Variants in PRKCZ observed in about 807,000 individuals in gnomAD.
PRKCZ encodes protein kinase C zeta type.
In PRKCZ, 33 loss-of-function variants were observed where a neutral mutation model predicts 79.5. The ratio of observed to expected loss-of-function variants is 0.41; its 90% CI spans 0.31 to 0.55. The LOEUF (loss-of-function observed/expected upper bound fraction) is 0.55, where lower values mean the gene tolerates loss of function less well. Ranked by LOEUF, PRKCZ falls within the 20% of genes least tolerant of loss-of-function variation. The pLI is 0.19. For missense variants in PRKCZ, 578 were observed against 813.5 expected (o/e 0.71, Z 3.52); for synonymous variants, 342 against 320.9 (o/e 1.07, Z -0.70).
intron 4 of PRKCZ, chr1:2,073,693 C>T (rs1388768486): frequency 4.0e-6 from 4 of 992,148 alleles, no homozygotes; most frequent in Admixed American, 5.6e-5. Context: ...CCGGGGGAGC[C>T]GGGTACCACC....
At chr1:2,112,698 T>A (rs1347936792) in intron 4 of PRKCZ, among the ~76,000 whole-genome samples, 7 of 151,706 alleles carry the variant, frequency 4.6e-5, no homozygotes, top group South Asian at 4.1e-4. Flanking sequence ...TTGGTTTTTT[T>A]TTTTTTTGGA....
At chr1:2,166,973 G>A (rs576983781) in intron 10 of PRKCZ, among the ~76,000 whole-genome samples, 1 of 152,246 alleles carries the variant, frequency 6.6e-6, no homozygotes, top group Admixed American at 6.5e-5. Context: ...GCTCAGCCAT[G>A]GTCCCAGGCA....
chr1:2,110,846 G>C (rs1489821496), intron 4 of PRKCZ, among the ~76,000 whole-genome samples: 1 of 152,118 alleles, frequency 6.6e-6, no homozygotes, highest in African/African-American at 2.4e-5. Context: ...CCCTGTAGGG[G>C]CTGGTGACAG....
chr1:2,159,464 C>T (rs981339139), intron 10 of PRKCZ, among the ~76,000 whole-genome samples: 1 of 152,250 alleles, frequency 6.6e-6, no homozygotes, highest in Non-Finnish European at 1.5e-5. Flanking sequence ...GACACTCCTT[C>T]GCTCTGGGCG....
At chr1:2,099,167 TC>T (rs1667038581) in intron 4 of PRKCZ, among the ~76,000 whole-genome samples, 2 of 152,170 alleles carry the variant, frequency 1.3e-5, no homozygotes. Context: ...GACCCGGCAC[TC>T]CTTCATCACC....
chr1:2,074,504 T>G (rs1288623173), intron 4 of PRKCZ, among the ~76,000 whole-genome samples: 2 of 152,114 alleles, frequency 1.3e-5, no homozygotes, highest in Non-Finnish European at 2.9e-5. Flanking sequence ...GTGGGCAGAT[T>G]GATGAGACCA....
chr1:2,057,962 G>A (rs1489306022), intron 3 of PRKCZ, among the ~76,000 whole-genome samples: 4 of 152,196 alleles, frequency 2.6e-5, no homozygotes, highest in African/African-American at 7.2e-5. Context: ...CCGCCTCCCG[G>A]GTTCAAGCAA....
At chr1:2,109,324 G>A (rs4648805) in intron 4 of PRKCZ, among the ~76,000 whole-genome samples, 117,200 of 152,144 alleles carry the variant, frequency 0.77, 47,730 homozygotes, top group Non-Finnish European at 0.88. Context: ...TGCCGGACGC[G>A]CAGGGGCGAT....
In PRKCZ at chr1:2,059,502, G is replaced by A. The variant is rs201215312; in HGVS notation, c.284-39G>A. ...TCCGTGAGACTGTTGAGTGGCAGCC[G>A]CAGGGTCTTGACGCTGTCTCTTTCT... is the stretch of plus-strand genomic sequence containing the variant. On this transcript the variant is annotated intron_variant, in intron 3 of 17. Coordinates refer to ENST00000378567, the MANE Select transcript of PRKCZ (RefSeq NM_002744.6). The A allele has an allele frequency of 4.4e-4, 708 of 1,611,206 alleles. 1 individual carries two copies. The highest frequency in any genetic ancestry group is 3.9e-4 in the Non-Finnish European group (464 of 1,177,752).
intron 4 of PRKCZ, among the ~76,000 whole-genome samples, chr1:2,079,632 A>C (rs1663102020): frequency 6.6e-6 from 1 of 152,236 alleles, no homozygotes; most frequent in African/African-American, 2.4e-5. Flanking sequence ...ACTAAGCCAC[A>C]ACGCTGGCCC....
At chr1:2,096,112 A>T (rs917206995) in intron 4 of PRKCZ, among the ~76,000 whole-genome samples, 2 of 151,386 alleles carry the variant, frequency 1.3e-5, no homozygotes, top group Non-Finnish European at 2.9e-5. Flanking sequence ...CTGCCTAGGA[A>T]GGCAGTCAAG....
chr1:2,120,308 T>TG (rs1340244372), intron 4 of PRKCZ, among the ~76,000 whole-genome samples: 2 of 132,776 alleles, frequency 1.5e-5, no homozygotes, highest in East Asian at 2.1e-4. Flanking sequence ...TTTTTTTTTT[T>TG]TTTTTTTTTT....
chr1:2,163,698 C>T (rs1031526247), intron 10 of PRKCZ, among the ~76,000 whole-genome samples: 11 of 151,428 alleles, frequency 7.3e-5, no homozygotes, highest in South Asian at 2.1e-4. Context: ...AGACCATCCT[C>T]GCTAACACAG....
chr1:2,055,597 C>T (rs770642574), intron 2 of PRKCZ, 35 bp downstream of exon 2: 54 of 1,595,202 alleles, frequency 3.4e-5, no homozygotes, highest in Non-Finnish European at 4.4e-5. Context: ...GAATCCTCAG[C>T]CTCAGGGGAC....
rs1391059753 is a variant in PRKCZ, at chr1:2,148,868, C to G, written c.635-4C>G. The G allele has an allele frequency of 6.2e-7, 1 of 1,613,870 alleles. No homozygotes were observed. Among genetic ancestry groups the G allele is most frequent in the Admixed American group, 1.7e-5 (1 of 60,012 alleles). On this transcript the variant is annotated splice_region_variant and splice_polypyrimidine_tract_variant and intron_variant, in intron 7 of 17. Transcript: ENST00000378567. Reference sequence around the variant, plus strand: ...CGCCCCTTCCTTCCTCCCTCTCTCACCAGTTGCTTACATTTCCTCATCCCG... The same window carrying G: ...CGCCCCTTCCTTCCTCCCTCTCTCAGCAGTTGCTTACATTTCCTCATCCCG...
At chr1:2,133,265 G>C (rs992717382) in intron 4 of PRKCZ, among the ~76,000 whole-genome samples, 21 of 149,214 alleles carry the variant, frequency 1.4e-4, no homozygotes, top group Admixed American at 1.3e-4. Flanking sequence ...CCGTCCCTCG[G>C]CTCCGCCCCA....
At chr1:2,135,670 C>T (rs1012109416) in intron 5 of PRKCZ, among the ~76,000 whole-genome samples, 21 of 152,312 alleles carry the variant, frequency 1.4e-4, no homozygotes, top group Admixed American at 3.3e-4. Context: ...GTGGGGCGGC[C>T]GCATTCCATC....
chr1:2,061,308 A>G (rs1660652722), intron 4 of PRKCZ, among the ~76,000 whole-genome samples: 1 of 151,748 alleles, frequency 6.6e-6, no homozygotes, highest in Admixed American at 6.6e-5. Context: ...CTTTCTGTCT[A>G]CGACCTCGGC....
intron 5 of PRKCZ, chr1:2,143,733 A>G (rs1177979014): frequency 6.5e-6 from 1 of 154,158 alleles, no homozygotes; most frequent in Non-Finnish European, 1.4e-5. Context: ...TAGCAGTTCA[A>G]GATGTTCATG....
Sources: gnomAD v4.1 joint callset for allele counts (sites outside exome capture counted in the v4.1 genomes callset) on GRCh38, gnomAD v4.1.1 for gene constraint, MANE v1.5 for transcripts, NCBI Gene and HGNC (gene_info 2026-07-23, HGNC 2026-07-21) for gene names.